JPH3: variants seen among roughly 807,000 people sequenced by gnomAD.
The protein encoded by JPH3 is junctophilin 3.
In JPH3, 11 loss-of-function variants were observed where a neutral mutation model predicts 59.6. That is an observed-to-expected ratio of 0.18 (90% CI 0.12 to 0.31). The LOEUF (loss-of-function observed/expected upper bound fraction) is 0.31, where lower values mean the gene tolerates loss of function less well. Ranked by LOEUF, JPH3 falls within the 10% of genes least tolerant of loss-of-function variation. The probability of loss-of-function intolerance (pLI) is 1.00; values close to 1 mark genes in which losing one functional copy is unlikely to be tolerated. For missense variants in JPH3, 1,202 were observed against 1,105.7 expected, an observed-to-expected ratio of 1.09 and a Z score of -1.24; for synonymous variants, 673 against 483.6, an observed-to-expected ratio of 1.39 and a Z score of -5.14.
At chr16:87,659,250 A>C (rs1191725430) in intron 2 of JPH3, among the ~76,000 whole-genome samples, 1 of 151,892 alleles carries the variant, frequency 6.6e-6, no homozygotes, top group Non-Finnish European at 1.5e-5. Context: ...GGTGGCAGGC[A>C]CCTGTAATCC....
At chr16:87,694,147 A>C (rs1308876593) in intron 4 of JPH3, 1 of 152,760 alleles carries the variant, frequency 6.5e-6, no homozygotes, top group East Asian at 1.9e-4. Flanking sequence ...TGTGGGCAGA[A>C]CTGGACCAGG....
At chr16:87,696,017 T>C (rs1449583072) in intron 4 of JPH3, 3 of 455,934 alleles carry the variant, frequency 6.6e-6, no homozygotes, top group African/African-American at 6.0e-5. Flanking sequence ...GACACAGTCC[T>C]CCAGAGCCAG....
At chr16:87,616,673 G>A (rs552667396) in intron 1 of JPH3, among the ~76,000 whole-genome samples, 11 of 152,254 alleles carry the variant, frequency 7.2e-5, no homozygotes, top group African/African-American at 2.6e-4. Context: ...GTGGCATCCT[G>A]TGCAACTGAT....
intron 1 of JPH3, among the ~76,000 whole-genome samples, chr16:87,621,353 C>T (rs1035497102): frequency 1.3e-5 from 2 of 152,090 alleles, no homozygotes; most frequent in African/African-American, 2.4e-5. Context: ...GGAGGGGGTT[C>T]GGGACAGGAA....
intron 1 of JPH3, among the ~76,000 whole-genome samples, chr16:87,620,674 T>C (rs1018584901): frequency 6.6e-6 from 1 of 152,120 alleles, no homozygotes; most frequent in Non-Finnish European, 1.5e-5. Flanking sequence ...CGTCTTTCCT[T>C]GGATTCCACA....
intron 1 of JPH3, chr16:87,604,656 C>T (rs1004472810): frequency 2.6e-6 from 3 of 1,160,944 alleles, no homozygotes; most frequent in Non-Finnish European, 3.2e-6. Flanking sequence ...CCCGCCCGCT[C>T]GCTGCCTCCG....
rs114005424 is a variant in JPH3, at chr16:87,656,619, C to T, written c.1160+11584C>T. ...GTCAGTGCCTGGGAACATTCGAGGC[C>T]CTGGCTTGGGTTCAAGCCTGCAGGA... On this transcript the variant is annotated intron_variant, in intron 2 of 4. Transcript: ENST00000284262. 3.9e-5 allele frequency among the ~76,000 whole-genome samples: 6 copies of T among 152,234 alleles called. No individual in the cohort carries two copies. The East Asian group carries it at 9.7e-4, about 24-fold the overall frequency.
Position 87,644,628 on chromosome 16 carries a change from C to G in JPH3, c.753C>G (p.Ser251Arg). The G allele has an allele frequency of 6.2e-7, 1 of 1,612,414 alleles. No individual in the cohort carries two copies. Among genetic ancestry groups the G allele is most frequent in the Non-Finnish European group, 8.5e-7 (1 of 1,179,904 alleles). ...CCTTTCGCAGCGAGGCGGGCATGAG[C>G]ACCGTCAGCTCCACGGCCAGCGACA... ...QSSFRSEAGM[S>R]TVSSTASDIH... is the part of the protein sequence containing the mutation. The change falls in exon 2 of 5, where the codon AGC becomes AGG. Residue 251 changes from serine to arginine, a missense_variant. Transcript: ENST00000284262.
intron 4 of JPH3, among the ~76,000 whole-genome samples, chr16:87,690,903 G>A (rs1177253693): frequency 1.3e-5 from 2 of 152,238 alleles, no homozygotes; most frequent in Non-Finnish European, 2.9e-5. Flanking sequence ...AGTGTCCTGT[G>A]TCCTGGATAG....
intron 1 of JPH3, among the ~76,000 whole-genome samples, chr16:87,630,126 C>T (rs949992646): frequency 9.9e-5 from 15 of 152,176 alleles, no homozygotes; most frequent in African/African-American, 2.7e-4. Context: ...AGTCTTGTCC[C>T]CACAGCACAG....
At chr16:87,671,754 C>T (rs1296733205) in intron 2 of JPH3, among the ~76,000 whole-genome samples, 1 of 152,182 alleles carries the variant, frequency 6.6e-6, no homozygotes, top group Non-Finnish European at 1.5e-5. Context: ...CTGGAGAACC[C>T]CCTTCCTCCC....
chr16:87,638,116 C>T (rs1256555715), intron 1 of JPH3, among the ~76,000 whole-genome samples: 1 of 152,128 alleles, frequency 6.6e-6, no homozygotes, highest in South Asian at 2.1e-4. Flanking sequence ...GATGAGGTTT[C>T]ACCATATTGG....
Position 87,603,558 on chromosome 16 carries a change from G to T in JPH3, c.382+30G>T, listed in dbSNP as rs1482615790. ...GTGCCGCGGGCCGGGCCGGGCCGGG[G>T]CGGGAGGGACGTGCTTCCGATCGCG... is the stretch of plus-strand genomic sequence containing the variant. On this transcript the variant is annotated intron_variant, in intron 1 of 4. Transcript: ENST00000284262. 15 of 1,538,676 alleles carry T rather than the reference G, an allele frequency of 9.7e-6. No homozygotes were observed. The East Asian group carries it at 3.7e-4, about 38-fold the overall frequency.
intron 1 of JPH3, among the ~76,000 whole-genome samples, chr16:87,628,845 A>G (rs2031469819): frequency 6.6e-6 from 1 of 151,908 alleles, no homozygotes; most frequent in East Asian, 1.9e-4. Context: ...GGCTGGGAGG[A>G]TGCTCAGTCA....
rs1010227661 is a variant in JPH3, at chr16:87,644,999, C to G, written c.1124C>G (p.Thr375Ser). Residue 375 changes from threonine to serine, a missense_variant, in exon 2 of 5, where the codon ACC becomes AGC. By Grantham distance (58) the Thr-to-Ser change is moderately conservative. Transcript: ENST00000284262. Reference protein sequence around the residue: ...RAVEAAERAATIAKQKAEIAA... With the variant: ...RAVEAAERAASIAKQKAEIAA... ...GTTGAGGCCGCTGAGCGGGCCGCCA[C>G]CATCGCCAAGCAGAAGGCTGAGATC... 6 of 1,607,034 alleles carry G rather than the reference C, an allele frequency of 3.7e-6. No homozygotes were observed. Among genetic ancestry groups the G allele is most frequent in the Admixed American group, 1.7e-5 (1 of 59,950 alleles).
At chr16:87,615,749 G>T (rs1308527651) in intron 1 of JPH3, among the ~76,000 whole-genome samples, 1 of 152,206 alleles carries the variant, frequency 6.6e-6, no homozygotes, top group Non-Finnish European at 1.5e-5. Flanking sequence ...AATGCAGGTG[G>T]TGCTGGGACC....
At chr16:87,608,252 T>G (rs1281382362) in intron 1 of JPH3, among the ~76,000 whole-genome samples, 1 of 152,252 alleles carries the variant, frequency 6.6e-6, no homozygotes, top group Non-Finnish European at 1.5e-5. Flanking sequence ...CTGCTGTTCC[T>G]TTCCAAGACT....
chr16:87,696,043 T>TG (rs1169254626), intron 4 of JPH3: 1 of 455,818 alleles, frequency 2.2e-6, no homozygotes, highest in African/African-American at 2.0e-5. Flanking sequence ...GTGAGGGGTT[T>TG]GTTGAGGAAG....
At chr16:87,642,334 G>T (rs987044369) in intron 1 of JPH3, among the ~76,000 whole-genome samples, 2 of 152,204 alleles carry the variant, frequency 1.3e-5, no homozygotes, top group African/African-American at 4.8e-5. Context: ...TTTAAAAAGT[G>T]ACTGGCAGAA....
Sources: allele counts gnomAD v4.1 joint callset (sites outside exome capture counted in the v4.1 genomes callset), GRCh38; gene constraint gnomAD v4.1.1; transcripts MANE v1.5; gene names NCBI Gene and HGNC (gene_info 2026-07-23, HGNC 2026-07-21).